Variants in NRXN3 observed in about 807,000 individuals in gnomAD.
NRXN3 encodes neurexin III.
NRXN3 carries 32 observed loss-of-function variants against 137.6 expected under a neutral mutation model. The observed-to-expected ratio is 0.23, with a 90% CI of 0.18 to 0.31. The LOEUF is 0.31. Ranked by LOEUF, NRXN3 falls within the 10% of genes least tolerant of loss-of-function variation. The pLI, the probability that NRXN3 is intolerant of heterozygous loss-of-function variation, is 1.00. For synonymous variants in NRXN3, 798 were observed against 784.5 expected, an observed-to-expected ratio of 1.02 and a Z score of -0.29; for missense variants, 1,574 against 2,062.5, an observed-to-expected ratio of 0.76 and a Z score of 4.59.
intron 17 of NRXN3, among the ~76,000 whole-genome samples, chr14:79,669,434 T>C (rs1427114271): frequency 6.6e-6 from 1 of 152,148 alleles, no homozygotes; most frequent in African/African-American, 2.4e-5. Context: ...ATCTTGAATA[T>C]TCACACTGCT....
chr14:79,846,629 G>C (rs1294266016), intron 20 of NRXN3, among the ~76,000 whole-genome samples: 1 of 152,154 alleles, frequency 6.6e-6, no homozygotes, highest in Admixed American at 6.5e-5. Context: ...CTTACATTCA[G>C]ATAAGCTTTA....
intron 4 of NRXN3, among the ~76,000 whole-genome samples, chr14:78,430,050 A>G (rs2093816216): frequency 1.3e-5 from 2 of 152,174 alleles, no homozygotes; most frequent in Admixed American, 6.5e-5. Context: ...CGTAGGCAAC[A>G]TAGCAAGACC....
chr14:79,378,217 G>T (rs1002316099), intron 15 of NRXN3, among the ~76,000 whole-genome samples: 7 of 152,176 alleles, frequency 4.6e-5, no homozygotes, highest in African/African-American at 1.4e-4. Flanking sequence ...TCATCCCAGA[G>T]AAGTGGCCGG....
intron 10 of NRXN3, among the ~76,000 whole-genome samples, chr14:78,880,616 G>A (rs1182103775): frequency 6.6e-6 from 1 of 152,092 alleles, no homozygotes; most frequent in East Asian, 1.9e-4. Flanking sequence ...AGAGTAGGGT[G>A]GAAAATGGAT....
At chr14:78,935,698 GT>G (rs1394158264) in intron 10 of NRXN3, among the ~76,000 whole-genome samples, 1 of 152,174 alleles carries the variant, frequency 6.6e-6, no homozygotes, top group Non-Finnish European at 1.5e-5. Flanking sequence ...AGGATCATCT[GT>G]TTATCCCACC....
intron 4 of NRXN3, among the ~76,000 whole-genome samples, chr14:78,608,259 C>T (rs915523008): frequency 1.3e-5 from 2 of 152,060 alleles, no homozygotes; most frequent in Non-Finnish European, 1.5e-5. Flanking sequence ...CAACTTCCCA[C>T]CCCCACTTAA....
At chr14:78,376,036 A>ACT (rs1238871670) in intron 4 of NRXN3, among the ~76,000 whole-genome samples, 1 of 151,220 alleles carries the variant, frequency 6.6e-6, no homozygotes, top group Non-Finnish European at 1.5e-5. Flanking sequence ...ACACACACAC[A>ACT]CTCATTCTCC....
At chr14:78,992,576 A>G (rs781109700) in intron 15 of NRXN3, among the ~76,000 whole-genome samples, 1 of 152,308 alleles carries the variant, frequency 6.6e-6, no homozygotes, top group South Asian at 2.1e-4. Flanking sequence ...TAATATTGTC[A>G]CTGTCAGCCT....
intron 4 of NRXN3, among the ~76,000 whole-genome samples, chr14:78,380,258 G>A (rs1258851860): frequency 7.9e-6 from 1 of 126,142 alleles, no homozygotes; most frequent in African/African-American, 3.1e-5. Flanking sequence ...CCGAGATTGC[G>A]CCACTGCAGT....
chr14:78,325,060 T>C (rs536737603), intron 4 of NRXN3, among the ~76,000 whole-genome samples: 5 of 151,988 alleles, frequency 3.3e-5, no homozygotes, highest in Non-Finnish European at 1.5e-5. Flanking sequence ...GTAGGAACAA[T>C]GCGGGAGAGT....
chr14:78,464,741 C>A (rs1267088127), intron 4 of NRXN3, among the ~76,000 whole-genome samples: 2 of 152,164 alleles, frequency 1.3e-5, no homozygotes, highest in Non-Finnish European at 2.9e-5. Flanking sequence ...TGCTTCAATT[C>A]TTGGCTCTTC....
intron 15 of NRXN3, among the ~76,000 whole-genome samples, chr14:79,265,445 C>A (rs2078318888): frequency 6.6e-6 from 1 of 151,736 alleles, no homozygotes; most frequent in Non-Finnish European, 1.5e-5. Flanking sequence ...ACCCTAGTGC[C>A]AATGGTAGCT....
chr14:79,030,622 T>G (rs1321276382), intron 15 of NRXN3, among the ~76,000 whole-genome samples: 1 of 146,546 alleles, frequency 6.8e-6, no homozygotes, highest in African/African-American at 2.5e-5. Context: ...GCTTTTTGTC[T>G]CTTTCTCTGT....
intron 6 of NRXN3, among the ~76,000 whole-genome samples, 164 bp downstream of exon 6, chr14:78,651,490 C>T (rs886508155): frequency 2.0e-5 from 3 of 152,164 alleles, no homozygotes; most frequent in East Asian, 1.9e-4. Flanking sequence ...TTTTCATTCC[C>T]GCTTAAGCTG....
intron 15 of NRXN3, among the ~76,000 whole-genome samples, chr14:79,099,349 G>A (rs1380925443): frequency 3.3e-5 from 5 of 152,064 alleles, no homozygotes; most frequent in Admixed American, 3.3e-4. Flanking sequence ...GGATTCCTGA[G>A]GGAAAATGTA....
intron 4 of NRXN3, among the ~76,000 whole-genome samples, chr14:78,519,831 T>C (rs1321733564): frequency 6.6e-6 from 1 of 152,132 alleles, no homozygotes; most frequent in African/African-American, 2.4e-5. Flanking sequence ...ACAGAAGACA[T>C]AGCTTTAGAG....
intron 5 of NRXN3, among the ~76,000 whole-genome samples, chr14:78,646,538 G>T (rs1044544509): frequency 6.6e-6 from 1 of 152,144 alleles, no homozygotes; most frequent in African/African-American, 2.4e-5. Context: ...GAAATGATAG[G>T]TGTCTGCCTA....
At chr14:78,644,982 A>G in intron 4 of NRXN3, 138 bp from the exon 5 acceptor site, 1 of 691,000 alleles carries the variant, frequency 1.4e-6, no homozygotes, top group Non-Finnish European at 2.3e-6. Flanking sequence ...GGACTTGCAG[A>G]AGAATTGAAG....
At chr14:78,539,983 G>A (rs1600151559) in intron 4 of NRXN3, among the ~76,000 whole-genome samples, 1 of 152,184 alleles carries the variant, frequency 6.6e-6, no homozygotes, top group African/African-American at 2.4e-5. Flanking sequence ...AGTTTGTTGT[G>A]ATTTCTGTTC....
Sources: allele counts gnomAD v4.1 joint callset (sites outside exome capture counted in the v4.1 genomes callset), GRCh38; gene constraint gnomAD v4.1.1; transcripts MANE v1.5; gene names NCBI Gene and HGNC (gene_info 2026-07-23, HGNC 2026-07-21).